The following LRRTM4 variants were observed in gnomAD, a reference collection of about 807,000 sequenced individuals.
The protein encoded by LRRTM4 is leucine rich repeat transmembrane neuronal 4.
Under a neutral mutation model 47.6 loss-of-function variants are expected in LRRTM4, and 25 were observed. That is an observed-to-expected ratio of 0.53 (90% CI 0.38 to 0.73). The LOEUF is 0.73. Ranked by LOEUF, LRRTM4 falls within the 30% of genes least tolerant of loss-of-function variation. LRRTM4 has a pLI of 0.00. For missense variants in LRRTM4, 638 were observed against 713.4 expected, an observed-to-expected ratio of 0.89 and a Z score of 1.20; for synonymous variants, 311 against 269.5, an observed-to-expected ratio of 1.15 and a Z score of -1.51.
rs1012318711 is a variant in LRRTM4 at position 76,781,574 on chromosome 2, G to C, written c.1552-32658C>G. Among the ~76,000 whole-genome samples, 5 of 152,224 alleles carry C rather than the reference G, an allele frequency of 3.3e-5. No homozygotes were observed. In the East Asian group the frequency reaches 7.7e-4, roughly 24 times the overall value. On this transcript the variant is annotated intron_variant, in intron 3 of 3. Coordinates refer to ENST00000409884, the MANE Select transcript of LRRTM4 (RefSeq NM_001134745.3). ...CAGAAAGGGAACTCCGTGACCCCTT[G>C]CGCTTCCCAAGTGAGGCAATGCCTC...
chr2:76,762,797 A>G (rs1673304427), intron 3 of LRRTM4, among the ~76,000 whole-genome samples: 1 of 152,182 alleles, frequency 6.6e-6, no homozygotes, highest in Non-Finnish European at 1.5e-5. Flanking sequence ...ATGGCTCTAC[A>G]CACCACAGTA....
Position 76,877,124 on chromosome 2 carries a change from G to C in LRRTM4, c.1552-128208C>G, listed in dbSNP as rs921775139. The stretch of plus-strand genomic sequence containing the variant: ...AGCTCTTAAAACTTTTTGTAAGAGC[G>C]GGAAGTAGATTTCATCTTATTTTGA... On this transcript the variant is annotated intron_variant, in intron 3 of 3. Coordinates refer to ENST00000409884, the MANE Select transcript of LRRTM4 (RefSeq NM_001134745.3). 5.9e-5 allele frequency among the ~76,000 whole-genome samples: 9 copies of C among 152,066 alleles called. No homozygotes were observed. The East Asian group carries it at 1.5e-3, about 26-fold the overall frequency.
At chr2:77,077,567 A>T (rs1680379083) in intron 3 of LRRTM4, among the ~76,000 whole-genome samples, 1 of 152,138 alleles carries the variant, frequency 6.6e-6, no homozygotes, top group Non-Finnish European at 1.5e-5. Context: ...GAGCTGTAGA[A>T]GATTTTTCTT....
intron 3 of LRRTM4, among the ~76,000 whole-genome samples, chr2:77,104,064 T>C (rs1671030253): frequency 6.6e-6 from 1 of 152,162 alleles, no homozygotes; most frequent in African/African-American, 2.4e-5. Flanking sequence ...TTTCTATTTT[T>C]CAAACCTTCT....
chr2:77,487,445 G>GC (rs1199167000), intron 3 of LRRTM4, among the ~76,000 whole-genome samples: 1 of 152,150 alleles, frequency 6.6e-6, no homozygotes, highest in African/African-American at 2.4e-5. Context: ...TGACACACCA[G>GC]CCCCCTCCCA....
At chr2:76,978,715 C>T (rs185192749) in intron 3 of LRRTM4, among the ~76,000 whole-genome samples, 4 of 152,118 alleles carry the variant, frequency 2.6e-5, no homozygotes, top group East Asian at 3.9e-4. Context: ...CATAGCGAGC[C>T]GCTGAACATA....
At chr2:76,785,734 A>G (rs138461109) in intron 3 of LRRTM4, among the ~76,000 whole-genome samples, 1 of 152,270 alleles carries the variant, frequency 6.6e-6, no homozygotes, top group East Asian at 1.9e-4. Context: ...TTAGTGGAAA[A>G]TAAAATTGAT....
At chr2:76,807,871 G>T (rs113749494) in intron 3 of LRRTM4, among the ~76,000 whole-genome samples, 5,344 of 151,286 alleles carry the variant, frequency 0.035, 287 homozygotes, top group African/African-American at 0.12. Flanking sequence ...GTGAGCCACC[G>T]CACCCGGCCT....
intron 3 of LRRTM4, among the ~76,000 whole-genome samples, chr2:76,866,272 C>T (rs1240001276): frequency 2.0e-5 from 3 of 152,160 alleles, no homozygotes; most frequent in Non-Finnish European, 4.4e-5. Flanking sequence ...CACTGGGGAA[C>T]GATCTCAGTT....
At chr2:77,269,029 C>G (rs1301463739) in intron 3 of LRRTM4, among the ~76,000 whole-genome samples, 1 of 152,156 alleles carries the variant, frequency 6.6e-6, no homozygotes, top group Non-Finnish European at 1.5e-5. Context: ...AACCTTTGCA[C>G]ACACTAATTT....
At chr2:77,283,266 C>A (rs1460086699) in intron 3 of LRRTM4, among the ~76,000 whole-genome samples, 1 of 151,996 alleles carries the variant, frequency 6.6e-6, no homozygotes, top group Non-Finnish European at 1.5e-5. Flanking sequence ...CAAACCAAAA[C>A]CACAATGACA....
chr2:77,072,752 T>C (rs1173472065), intron 3 of LRRTM4, among the ~76,000 whole-genome samples: 1 of 120,244 alleles, frequency 8.3e-6, no homozygotes, highest in African/African-American at 3.3e-5. Context: ...TGAGCCAAGA[T>C]CACACCACTT....
At chr2:77,343,879 A>G (rs1166147748) in intron 3 of LRRTM4, among the ~76,000 whole-genome samples, 6 of 151,926 alleles carry the variant, frequency 3.9e-5, no homozygotes, top group Non-Finnish European at 8.8e-5. Flanking sequence ...AAAACAAAGA[A>G]AAAGCTACAC....
intron 3 of LRRTM4, among the ~76,000 whole-genome samples, chr2:76,786,002 A>G (rs1674651420): frequency 6.6e-6 from 1 of 152,150 alleles, no homozygotes; most frequent in African/African-American, 2.4e-5. Flanking sequence ...TAACTCAATG[A>G]TACCTAGCTG....
chr2:77,065,094 T>G lies in LRRTM4; in HGVS notation c.1552-316178A>C, dbSNP rs1236737295. Among the ~76,000 whole-genome samples, 5 of 152,280 alleles carry G rather than the reference T, an allele frequency of 3.3e-5. 1 individual carries two copies. The highest frequency in any genetic ancestry group is 2.9e-5 in the Non-Finnish European group (2 of 68,002). On this transcript the variant is annotated intron_variant, in intron 3 of 3. Coordinates refer to ENST00000409884, the MANE Select transcript of LRRTM4 (RefSeq NM_001134745.3). ...ATAATGTTTTATTGAAAAACAACCA[T>G]GTATCAAGTATTATGATGGGCAATT...
At chr2:77,351,224 T>C (rs1030799266) in intron 3 of LRRTM4, among the ~76,000 whole-genome samples, 17 of 151,942 alleles carry the variant, frequency 1.1e-4, no homozygotes, top group African/African-American at 3.9e-4. Flanking sequence ...CGCCAACTCC[T>C]TTTACTGGAG....
At chr2:77,171,612 A>C (rs1273462036) in intron 3 of LRRTM4, among the ~76,000 whole-genome samples, 1 of 151,902 alleles carries the variant, frequency 6.6e-6, no homozygotes, top group Admixed American at 6.6e-5. Context: ...TATGCATATA[A>C]ATATAAGATA....
intron 3 of LRRTM4, among the ~76,000 whole-genome samples, chr2:76,827,550 TTGACA>T (rs1671222846): frequency 6.6e-6 from 1 of 151,904 alleles, no homozygotes. Flanking sequence ...TCTTAATGAA[TTGACA>T]TGTATTTCAT....
chr2:76,983,391 A>AATCATCTGG (rs1480476724), intron 3 of LRRTM4, among the ~76,000 whole-genome samples: 1 of 152,024 alleles, frequency 6.6e-6, no homozygotes. Context: ...CAGCTAATTG[A>AATCATCTGG]ATCATCTGGG....
Sources: allele counts gnomAD v4.1 joint callset (sites outside exome capture counted in the v4.1 genomes callset), GRCh38; gene constraint gnomAD v4.1.1; transcripts MANE v1.5; gene names NCBI Gene and HGNC (gene_info 2026-07-23, HGNC 2026-07-21).